The following MLIP variants were observed in gnomAD, a reference collection of about 807,000 sequenced individuals.
MLIP encodes the protein muscular LMNA interacting protein.
Under a neutral mutation model 84.8 loss-of-function variants are expected in MLIP, and 79 were observed. The ratio of observed to expected loss-of-function variants is 0.93; its 90% CI spans 0.78 to 1.12. The LOEUF is 1.12. Among genes scored for constraint, MLIP ranks in the 50% most tolerant of loss-of-function variants. The pLI is 0.00. For synonymous variants in MLIP, 504 were observed against 463.0 expected (o/e 1.09, Z -1.14); for missense variants, 1,257 against 1,160.6 (o/e 1.08, Z -1.21).
At chr6:54,029,485 A>G (rs972255626) in intron 1 of MLIP, 1 of 152,352 alleles carries the variant, frequency 6.6e-6, no homozygotes, top group African/African-American at 2.4e-5. Context: ...ATGAGCCTTT[A>G]CCAGACACAG....
At chr6:54,088,274 G>A (rs142779835) in intron 1 of MLIP, among the ~76,000 whole-genome samples, 29 of 152,236 alleles carry the variant, frequency 1.9e-4, no homozygotes, top group African/African-American at 6.7e-4. Context: ...GAAGAAGTGA[G>A]GGTCTGGCCT....
intron 10 of MLIP, among the ~76,000 whole-genome samples, chr6:54,201,547 G>T (rs1163983401): frequency 6.6e-6 from 1 of 152,176 alleles, no homozygotes; most frequent in Non-Finnish European, 1.5e-5. Flanking sequence ...CTGCACAACA[G>T]TTTAAATCCC....
intron 12 of MLIP, among the ~76,000 whole-genome samples, chr6:54,236,856 A>G (rs79998577): frequency 0.01 from 1,539 of 152,250 alleles, 29 homozygotes; most frequent in African/African-American, 0.036. Context: ...AATTAATAAT[A>G]TATTAAATAT....
intron 10 of MLIP, among the ~76,000 whole-genome samples, chr6:54,196,641 A>G (rs567785632): frequency 5.3e-5 from 8 of 151,764 alleles, no homozygotes; most frequent in African/African-American, 1.7e-4. Flanking sequence ...CCTCTTATAG[A>G]CTCCATATTG....
At chr6:54,118,560 T>C (rs1013386467) in intron 1 of MLIP, among the ~76,000 whole-genome samples, 4 of 152,200 alleles carry the variant, frequency 2.6e-5, no homozygotes, top group Non-Finnish European at 5.9e-5. Context: ...ACTATGAAAC[T>C]GCTAGAAGAA....
At chr6:54,050,644 T>TA (rs1765322690) in intron 1 of MLIP, among the ~76,000 whole-genome samples, 2 of 152,212 alleles carry the variant, frequency 1.3e-5, no homozygotes, top group Admixed American at 6.5e-5. Flanking sequence ...TGCATATCTT[T>TA]ATAGCTAAAT....
At chr6:54,165,039 T>C (rs1023127356) in intron 8 of MLIP, among the ~76,000 whole-genome samples, 2 of 152,004 alleles carry the variant, frequency 1.3e-5, no homozygotes, top group Non-Finnish European at 2.9e-5. Context: ...AGATGTCTTA[T>C]TATGTTTCCA....
At chr6:54,248,805 C>G (rs759966508) in intron 12 of MLIP, among the ~76,000 whole-genome samples, 1 of 152,046 alleles carries the variant, frequency 6.6e-6, no homozygotes, top group Non-Finnish European at 1.5e-5. Context: ...AGAATTGAGA[C>G]TCCAATATAA....
Position 54,052,622 on chromosome 6 carries a change from C to T in MLIP, c.63+33531C>T, listed in dbSNP as rs191323660. Among the ~76,000 whole-genome samples the T allele has an allele frequency of 7.2e-5, 11 of 152,104 alleles. No homozygotes were observed. The East Asian group carries it at 2.1e-3, about 29-fold the overall frequency. On this transcript the variant is annotated intron_variant, in intron 1 of 12. Coordinates refer to the MLIP transcript ENST00000274897. ...TTGTTTATATAGTGTCCTAACAATC[C>T]CTGAGTTATAATAATTAGTTTTAGC...
chr6:54,143,890 T>C (rs986194224), intron 4 of MLIP, among the ~76,000 whole-genome samples: 2 of 152,102 alleles, frequency 1.3e-5, no homozygotes, highest in African/African-American at 4.8e-5. Context: ...CTCTAAAAGA[T>C]CTAGCAGGCA....
chr6:54,218,225 T>G (rs1582534736), intron 11 of MLIP: 1 of 155,742 alleles, frequency 6.4e-6, no homozygotes, highest in East Asian at 1.9e-4. Context: ...ACCTAGGGTA[T>G]GTGGTATAGG....
rs771734490 is a variant in MLIP at position 54,090,684 on chromosome 6, T to TGA, written c.64-30760_64-30759dup. On this transcript the variant is annotated intron_variant, in intron 1 of 12. Coordinates refer to the MLIP transcript ENST00000274897. ...GTATGTGTGTGTGTGTGTGTGTGTGTGAGACAGAGAAAGAGAGAGAGAGAG... is the reference window on the plus strand; with the variant it reads ...GTATGTGTGTGTGTGTGTGTGTGTGTGAGAGACAGAGAAAGAGAGAGAGAGAG... 5.1e-4 allele frequency among the ~76,000 whole-genome samples: 77 copies of TGA among 150,548 alleles called. 1 individual carries two copies. The East Asian group carries it at 0.011, about 21-fold the overall frequency.
chr6:54,143,998 G>A lies in MLIP; in HGVS notation c.2218-5058G>A, dbSNP rs148891602. Among the ~76,000 whole-genome samples the A allele has an allele frequency of 1.9e-3, 283 of 152,290 alleles. 1 individual carries two copies. The highest frequency in any genetic ancestry group is 5.4e-3 in the African/African-American group (224 of 41,568). On this transcript the variant is annotated intron_variant, in intron 4 of 13. Transcript: ENST00000502396. ...TAAATGAGGGATGCAGTGGGGTCCT[G>A]GGAAGGGACCTGTCCTGGGAGGTTT...
intron 1 of MLIP, chr6:54,029,136 C>T (rs1379402816): frequency 6.6e-6 from 1 of 152,146 alleles, no homozygotes; most frequent in African/African-American, 2.4e-5. Flanking sequence ...GCTCTCAATG[C>T]TGTATTTGTG....
intron 1 of MLIP, among the ~76,000 whole-genome samples, chr6:54,095,769 G>C (rs958425235): frequency 3.9e-5 from 6 of 152,180 alleles, no homozygotes; most frequent in Non-Finnish European, 7.4e-5. Context: ...CTTAGTCAGA[G>C]TTTGCAGAGT....
At chr6:54,098,524 C>A (rs1768397290) in intron 1 of MLIP, among the ~76,000 whole-genome samples, 1 of 151,496 alleles carries the variant, frequency 6.6e-6, no homozygotes, top group Non-Finnish European at 1.5e-5. Flanking sequence ...AGAACCAGGG[C>A]AGGATGGTGT....
chr6:54,203,002 C>T (rs1778797245), intron 11 of MLIP, among the ~76,000 whole-genome samples: 1 of 152,112 alleles, frequency 6.6e-6, no homozygotes, highest in Admixed American at 6.6e-5. Flanking sequence ...TTAACAGAGA[C>T]GATGCAGTCT....
intron 3 of MLIP, among the ~76,000 whole-genome samples, chr6:54,130,920 C>A (rs193229020): frequency 1.6e-3 from 241 of 151,980 alleles, no homozygotes; most frequent in Non-Finnish European, 2.7e-3. Flanking sequence ...AAATAGAGGC[C>A]ATAAATAAAA....
chr6:54,049,325 T>C (rs1030489997), intron 1 of MLIP, among the ~76,000 whole-genome samples: 16 of 152,160 alleles, frequency 1.1e-4, no homozygotes, highest in Admixed American at 3.9e-4. Flanking sequence ...AGAAGAAGCA[T>C]AGCTGCATAA....
Sources: allele counts gnomAD v4.1 joint callset (sites outside exome capture counted in the v4.1 genomes callset), GRCh38; gene constraint gnomAD v4.1.1; transcripts MANE v1.5; gene names NCBI Gene and HGNC (gene_info 2026-07-23, HGNC 2026-07-21).